The following ERC1 variants were observed in gnomAD, a reference collection of about 807,000 sequenced individuals.
ERC1 encodes the protein RAB6 interacting protein 2.
A neutral mutation model predicts 132.0 loss-of-function variants in ERC1; 56 were observed. That is an observed-to-expected ratio of 0.42 (90% CI 0.34 to 0.53). The LOEUF (loss-of-function observed/expected upper bound fraction) is 0.53, where lower values mean the gene tolerates loss of function less well. Ranked by LOEUF, ERC1 falls within the 20% of genes least tolerant of loss-of-function variation. The probability of loss-of-function intolerance (pLI) is 0.03; values close to 1 mark genes in which losing one functional copy is unlikely to be tolerated. For synonymous variants in ERC1, 478 were observed against 476.1 expected, an observed-to-expected ratio of 1.00 and a Z score of -0.05; for missense variants, 1,202 against 1,349.9, an observed-to-expected ratio of 0.89 and a Z score of 1.72.
chr12:1,322,058 C>A (rs778438367), intron 15 of ERC1, among the ~76,000 whole-genome samples: 1 of 151,434 alleles, frequency 6.6e-6, no homozygotes, highest in Non-Finnish European at 1.5e-5. Context: ...TGTTTTGATG[C>A]TTTGATAAGT....
intron 8 of ERC1, among the ~76,000 whole-genome samples, chr12:1,176,443 C>G (rs749310791): frequency 2.0e-5 from 3 of 152,162 alleles, no homozygotes; most frequent in Non-Finnish European, 4.4e-5. Context: ...GTAGATTTAC[C>G]ATAATTCCAC....
chr12:1,189,523 C>G (rs1385144510), intron 11 of ERC1, among the ~76,000 whole-genome samples: 10 of 152,178 alleles, frequency 6.6e-5, no homozygotes, highest in Non-Finnish European at 1.5e-4. Flanking sequence ...TTTTGATATT[C>G]TCTTGGAGAG....
At chr12:1,388,410 G>A (rs941766226) in intron 16 of ERC1, among the ~76,000 whole-genome samples, 3 of 151,798 alleles carry the variant, frequency 2.0e-5, no homozygotes, top group African/African-American at 7.3e-5. Flanking sequence ...CTTAGGCAGA[G>A]GGATCATTGT....
At chr12:1,009,454 G>C (rs532355337) in intron 1 of ERC1, among the ~76,000 whole-genome samples, 1 of 152,162 alleles carries the variant, frequency 6.6e-6, no homozygotes, top group African/African-American at 2.4e-5. Context: ...GATTACAGGC[G>C]TGAGCCACCG....
At position 1,115,903 on chromosome 12, in the gene ERC1, CAG is replaced by C; in HGVS notation, c.1441_1442del (p.Glu481ThrfsTer18). On this transcript the variant is annotated frameshift_variant, in exon 7 of 19. Transcript: ENST00000360905. LOFTEE classifies it high-confidence loss of function. ...AAACAGGAGCTGTCCAGAAAGGACA[CAG>C]AACTACTCGCCCTGCAGACAAAGCT... 6.2e-7 allele frequency: 1 copy of C among 1,614,096 alleles called. No homozygotes were observed. Among genetic ancestry groups the C allele is most frequent in the Non-Finnish European group, 8.5e-7 (1 of 1,179,980 alleles).
chr12:1,262,907 T>C, intron 13 of ERC1, 127 bp from the exon 14 acceptor site: 1 of 869,442 alleles, frequency 1.2e-6, no homozygotes. Context: ...TGTGACGATA[T>C]CTTGTTGACC....
chr12:1,403,320 G>C (rs2091229895), intron 16 of ERC1, among the ~76,000 whole-genome samples: 1 of 152,010 alleles, frequency 6.6e-6, no homozygotes, highest in African/African-American at 2.4e-5. Context: ...AAAACATTTG[G>C]ATATAAAATA....
intron 18 of ERC1, among the ~76,000 whole-genome samples, chr12:1,484,108 T>A (rs79509017): frequency 0.04 from 5,968 of 150,756 alleles, 168 homozygotes; most frequent in Non-Finnish European, 0.045. Flanking sequence ...GATCAAGACC[T>A]TCCTGGCTAA....
intron 1 of ERC1, among the ~76,000 whole-genome samples, chr12:1,015,799 C>G (rs1399211975): frequency 6.6e-6 from 1 of 152,168 alleles, no homozygotes; most frequent in Non-Finnish European, 1.5e-5. Flanking sequence ...AAATATTTGA[C>G]TCGTTGATGA....
At chr12:1,337,230 C>G (rs925056981) in intron 15 of ERC1, among the ~76,000 whole-genome samples, 2 of 152,120 alleles carry the variant, frequency 1.3e-5, no homozygotes, top group Middle Eastern at 3.4e-3. Flanking sequence ...CCGGGTGCTC[C>G]TGTGTCAGGT....
intron 2 of ERC1, 60 bp from the exon 3 acceptor site, chr12:1,083,104 C>A: frequency 6.9e-7 from 1 of 1,451,932 alleles, no homozygotes; most frequent in South Asian, 1.3e-5. Context: ...GCAGGCTGCT[C>A]TGATTTGCTA....
At chr12:1,165,518 A>G (rs983427844) in intron 8 of ERC1, among the ~76,000 whole-genome samples, 1 of 151,932 alleles carries the variant, frequency 6.6e-6, no homozygotes, top group African/African-American at 2.4e-5. Context: ...GTGTTAGCCA[A>G]GATGGTCTTG....
At chr12:1,423,519 A>G (rs2092506032) in intron 17 of ERC1, among the ~76,000 whole-genome samples, 1 of 152,188 alleles carries the variant, frequency 6.6e-6, no homozygotes, top group South Asian at 2.1e-4. Flanking sequence ...AGTGAACATA[A>G]CTTGTGCTCT....
intron 8 of ERC1, among the ~76,000 whole-genome samples, chr12:1,179,500 C>CTTTTTTTTT (rs58317880): frequency 3.7e-4 from 35 of 95,754 alleles, no homozygotes; most frequent in East Asian, 7.1e-4. Context: ...ATTCATTTTT[C>CTTTTTTTTT]TTTTTTTTTT....
intron 1 of ERC1, among the ~76,000 whole-genome samples, chr12:1,006,596 G>T (rs1045371106): frequency 6.6e-6 from 1 of 151,642 alleles, no homozygotes; most frequent in Non-Finnish European, 1.5e-5. Flanking sequence ...GGGTTTTGCC[G>T]TGTTGCCCAA....
At chr12:1,010,051 CAG>C (rs1964422680) in intron 1 of ERC1, among the ~76,000 whole-genome samples, 1 of 152,104 alleles carries the variant, frequency 6.6e-6, no homozygotes, top group Admixed American at 6.6e-5. Context: ...GCTAAATCTG[CAG>C]AATTTGAGTC....
intron 5 of ERC1, among the ~76,000 whole-genome samples, chr12:1,112,011 T>C (rs1945926706): frequency 6.6e-6 from 1 of 150,990 alleles, no homozygotes; most frequent in South Asian, 2.1e-4. Context: ...CATTTGTTGA[T>C]TAGCACATTC....
chr12:1,144,098 C>T (rs1002216689), intron 8 of ERC1, among the ~76,000 whole-genome samples: 3 of 152,152 alleles, frequency 2.0e-5, no homozygotes, highest in African/African-American at 7.2e-5. Flanking sequence ...TACCACACTA[C>T]ATGATACTGG....
At position 1,083,415 on chromosome 12, in the gene ERC1, A is replaced by G. The variant is rs1942511722; in HGVS notation, c.921A>G (p.Glu307=). Residue 307 remains glutamate, a synonymous_variant, in exon 3 of 19, where the codon GAA becomes GAG. Coordinates refer to ENST00000360905, the MANE Select transcript of ERC1 (RefSeq NM_178040.4). ...AGCAGACCCTAAATGCTCGGGATGA[A>G]TCCATTAAGAAGCTTCTGGAAATGT... ...TQKQTLNARD[E]SIKKLLEMLQ... The G allele has an allele frequency of 6.2e-7, 1 of 1,614,064 alleles. No homozygotes were observed. The highest frequency in any genetic ancestry group is 8.5e-7 in the Non-Finnish European group (1 of 1,180,038).
Sources: allele counts gnomAD v4.1 joint callset (sites outside exome capture counted in the v4.1 genomes callset), GRCh38; gene constraint gnomAD v4.1.1; transcripts MANE v1.5; gene names NCBI Gene and HGNC (gene_info 2026-07-23, HGNC 2026-07-21).